BTF3: variants seen among roughly 807,000 people sequenced by gnomAD.
BTF3 encodes transcription factor BTF3.
A neutral mutation model predicts 23.9 loss-of-function variants in BTF3; 12 were observed. The ratio of observed to expected loss-of-function variants is 0.50; its 90% CI spans 0.32 to 0.81. The LOEUF is 0.81. Among genes scored for constraint, BTF3 ranks in the 40% least tolerant of loss-of-function variants. The pLI, the probability that BTF3 is intolerant of heterozygous loss-of-function variation, is 0.03. For synonymous variants in BTF3, 96 were observed against 94.8 expected, an observed-to-expected ratio of 1.01 and a Z score of -0.07; for missense variants, 215 against 255.9, an observed-to-expected ratio of 0.84 and a Z score of 1.09.
Position 73,498,689 on chromosome 5 carries a change from G to C in BTF3, c.22G>C (p.Ala8Pro). 10 of 1,501,602 alleles carry C rather than the reference G, an allele frequency of 6.7e-6. No homozygotes were observed. Among genetic ancestry groups the C allele is most frequent in the Non-Finnish European group, 8.8e-6 (10 of 1,133,522 alleles). 93.0% of individuals were successfully genotyped at this position (1,501,602 alleles called of 1,614,324 possible). A position where few individuals can be genotyped will look rare whatever the true frequency, so the allele number is the denominator to read the frequency against. ...GGCGATGCGACGGACAGGCGCACCC[G>C]CTCAGGCTGACTCTCGGGGGCGAGG... The part of the protein sequence containing the change: MRRTGAP[A>P]QADSRGRGRA... Residue 8 changes from alanine to proline, a missense_variant, in exon 1 of 6, where the codon GCT becomes CCT. Coordinates refer to ENST00000380591, the MANE Select transcript of BTF3 (RefSeq NM_001037637.2).
chr5:73,504,378 A>C lies in BTF3; in HGVS notation c.549A>C (p.Gly183=). The C allele has an allele frequency of 6.3e-7, 1 of 1,584,316 alleles. No homozygotes were observed. The highest frequency in any genetic ancestry group is 1.4e-5 in the African/African-American group (1 of 71,150). Residue 183 remains glycine (G), a synonymous_variant, in exon 5 of 6, where the codon GGA becomes GGC. Coordinates refer to ENST00000380591, the MANE Select transcript of BTF3 (RefSeq NM_001037637.2). ...ATGGAAAAGCACCACTTGCTACTGGAGAGGATGATGATGATGAAGTTCCAG... is the reference window on the plus strand; with the variant it reads ...ATGGAAAAGCACCACTTGCTACTGGCGAGGATGATGATGATGAAGTTCCAG... The part of the protein sequence containing the change: ...SVDGKAPLAT[G]EDDDDEVPDL...
chr5:73,498,960 G>A (rs891186498), intron 1 of BTF3, among the ~76,000 whole-genome samples, 161 bp downstream of exon 1: 2 of 152,120 alleles, frequency 1.3e-5, no homozygotes, highest in East Asian at 3.9e-4. Flanking sequence ...GGGGAGGCGG[G>A]TGCTCTTTGG....
intron 1 of BTF3, 27 bp downstream of exon 1, chr5:73,498,826 C>G (rs1280728842): frequency 8.1e-6 from 12 of 1,489,044 alleles, no homozygotes; most frequent in Non-Finnish European, 1.1e-5. Flanking sequence ...GGAGAGTGGC[C>G]GGGCCGGGCA....
chr5:73,505,038 C>CTT (rs59856963), intron 5 of BTF3, among the ~76,000 whole-genome samples, 154 bp from the exon 6 acceptor site: 3,097 of 142,050 alleles, frequency 0.022, 89 homozygotes, highest in African/African-American at 0.065. Flanking sequence ...ATTTTTTTCA[C>CTT]TTTTTTTTTT....
rs1376142182 is a variant in BTF3 at position 73,498,508 on chromosome 5, C to T, written c.-160C>T. On this transcript the variant is annotated 5_prime_UTR_variant, in exon 1 of 6. Transcript: ENST00000380591. ...ATCTCAGGTGGTCCACCCGAGACCC[C>T]TTGAGCACCAACCCTAGTCCCCCGC... 2.6e-6 allele frequency: 3 copies of T among 1,136,092 alleles called. No individual in the cohort carries two copies. Among genetic ancestry groups the T allele is most frequent in the Non-Finnish European group, 3.5e-6 (3 of 860,120 alleles). 70.4% of individuals were successfully genotyped at this position (1,136,092 alleles called of 1,614,324 possible). A position where few individuals can be genotyped will look rare whatever the true frequency, so the allele number is the denominator to read the frequency against.
chr5:73,502,799 A>G (rs1746470267), intron 3 of BTF3, 117 bp from the exon 4 acceptor site: 3 of 1,100,384 alleles, frequency 2.7e-6, no homozygotes, highest in Middle Eastern at 2.3e-4. Flanking sequence ...CATTCCAGGC[A>G]AAATTTCACC....
At chr5:73,500,278 G>A (rs1746404521) in intron 2 of BTF3, among the ~76,000 whole-genome samples, 1 of 152,138 alleles carries the variant, frequency 6.6e-6, no homozygotes, top group South Asian at 2.1e-4. Context: ...TGGCCTTCAA[G>A]TGCCAGCAAA....
Position 73,504,438 on chromosome 5 carries a change from CT to C in BTF3, c.574+37del, listed in dbSNP as rs1177101746. On this transcript the variant is annotated intron_variant, in intron 5 of 5. Transcript: ENST00000380591. ...TTTACTTGTGGTTAACCTAGAGAAT[CT>C]TAGCAAGGGAGAATAAGAAATCTTT... The C allele has an allele frequency of 4.5e-6, 7 of 1,556,682 alleles. No homozygotes were observed. The East Asian group carries it at 1.6e-4, about 35-fold the overall frequency.
chr5:73,502,485 T>G lies in BTF3; in HGVS notation c.202-3T>G. 2 of 1,587,236 alleles carry G rather than the reference T, an allele frequency of 1.3e-6. No homozygotes were observed. Among genetic ancestry groups the G allele is most frequent in the Non-Finnish European group, 1.7e-6 (2 of 1,172,458 alleles). On this transcript the variant is annotated splice_polypyrimidine_tract_variant and splice_region_variant and intron_variant, in intron 2 of 5. Transcript: ENST00000380591. ...TTTTCTTTCCTCTTCTCCCTGACTTTAGGGAACTGCTCGCAGAAAGAAGAA... is the reference window on the plus strand; with the variant it reads ...TTTTCTTTCCTCTTCTCCCTGACTTGAGGGAACTGCTCGCAGAAAGAAGAA...
intron 4 of BTF3, among the ~76,000 whole-genome samples, chr5:73,503,483 C>T (rs935251981): frequency 4.6e-5 from 7 of 152,050 alleles, no homozygotes; most frequent in African/African-American, 2.4e-5. Flanking sequence ...CTATATAGTT[C>T]GTATTACCAG....
chr5:73,504,765 A>G (rs2111965516), intron 5 of BTF3: 1 of 212,300 alleles, frequency 4.7e-6, no homozygotes, highest in Non-Finnish European at 9.2e-6. Context: ...GTATCTTGGG[A>G]TATATATATG....
chr5:73,502,449 T>A (rs779550172), intron 2 of BTF3, 39 bp from the exon 3 acceptor site: 37 of 1,412,106 alleles, frequency 2.6e-5, no homozygotes, highest in Non-Finnish European at 3.3e-5. Flanking sequence ...TGTTGTGGTA[T>A]AAATGTGCTG....
At chr5:73,501,942 C>T (rs1047451461) in intron 2 of BTF3, among the ~76,000 whole-genome samples, 8 of 151,960 alleles carry the variant, frequency 5.3e-5, no homozygotes, top group African/African-American at 1.7e-4. Flanking sequence ...CCGAGGCAGG[C>T]GGATCACTTG....
At chr5:73,504,600 G>T (rs1746514648) in intron 5 of BTF3, 197 bp downstream of exon 5, 3 of 428,944 alleles carry the variant, frequency 7.0e-6, no homozygotes, top group Middle Eastern at 3.4e-4. Flanking sequence ...TTCTGTTTGG[G>T]ATCCCAAGGA....
chr5:73,501,428 A>G (rs1746433885), intron 2 of BTF3, among the ~76,000 whole-genome samples: 2 of 152,210 alleles, frequency 1.3e-5, no homozygotes, highest in Admixed American at 6.5e-5. Context: ...TATCTCTTAT[A>G]GTAATAAGTG....
rs200658747 is a variant in BTF3, at chr5:73,498,618, C to T, written c.-50C>T. On this transcript the variant is annotated 5_prime_UTR_variant, in exon 1 of 6. Transcript: ENST00000380591. ...GGACGGGAGCGGGGGCGGGAAGTTC[C>T]CTGAAGGAGCGAGACAGGGAGGGAC... 4 of 1,418,874 alleles carry T rather than the reference C, an allele frequency of 2.8e-6. No homozygotes were observed. The highest frequency in any genetic ancestry group is 5.6e-5 in the East Asian group (2 of 35,486). 87.9% of individuals were successfully genotyped at this position (1,418,874 alleles called of 1,614,324 possible).
At position 73,498,522 on chromosome 5, in the gene BTF3, C is replaced by T; in HGVS notation, c.-146C>T. ...ACCCGAGACCCCTTGAGCACCAACC[C>T]TAGTCCCCCGCGCGGCCCCTTATTC... is the stretch of plus-strand genomic sequence containing the variant. On this transcript the variant is annotated 5_prime_UTR_variant, in exon 1 of 6. Coordinates refer to ENST00000380591, the MANE Select transcript of BTF3 (RefSeq NM_001037637.2). 2 of 1,256,148 alleles carry T rather than the reference C, an allele frequency of 1.6e-6. No individual in the cohort carries two copies. The highest frequency in any genetic ancestry group is 2.1e-6 in the Non-Finnish European group (2 of 963,280). 77.8% of individuals were successfully genotyped at this position (1,256,148 alleles called of 1,614,324 possible).
intron 1 of BTF3, 36 bp downstream of exon 1, chr5:73,498,835 C>G (rs995176698): frequency 4.0e-6 from 6 of 1,501,038 alleles, no homozygotes; most frequent in Non-Finnish European, 5.3e-6. Context: ...CCGGGCCGGG[C>G]AGGCCCTGGC....
At chr5:73,502,675 TTG>T (rs1171259552) in intron 3 of BTF3, 74 bp downstream of exon 3, 77 of 897,732 alleles carry the variant, frequency 8.6e-5, no homozygotes, top group South Asian at 3.2e-4. Context: ...ATTAAATGGG[TTG>T]TTTTTTTTTT....
Sources: allele counts gnomAD v4.1 joint callset (sites outside exome capture counted in the v4.1 genomes callset), GRCh38; gene constraint gnomAD v4.1.1; transcripts MANE v1.5; gene names NCBI Gene and HGNC (gene_info 2026-07-23, HGNC 2026-07-21).